PLPPR1: variants seen among roughly 807,000 people sequenced by gnomAD.
The protein encoded by PLPPR1 is phospholipid phosphatase related 1.
A neutral mutation model predicts 33.1 loss-of-function variants in PLPPR1; 10 were observed. The ratio of observed to expected loss-of-function variants is 0.30; its 90% CI spans 0.19 to 0.51. The LOEUF (loss-of-function observed/expected upper bound fraction) is 0.51, where lower values mean the gene tolerates loss of function less well. Ranked by LOEUF, PLPPR1 falls within the 20% of genes least tolerant of loss-of-function variation. The pLI, the probability that PLPPR1 is intolerant of heterozygous loss-of-function variation, is 0.97. For missense variants in PLPPR1, 304 were observed against 408.1 expected (o/e 0.74, Z 2.20); for synonymous variants, 151 against 151.0 (o/e 1.00, Z 0.00).
intron 1 of PLPPR1, among the ~76,000 whole-genome samples, chr9:101,093,273 C>T (rs933989012): frequency 6.6e-6 from 1 of 152,190 alleles, no homozygotes; most frequent in Non-Finnish European, 1.5e-5. Context: ...CAAGTTAATA[C>T]TAATCCATTA....
At chr9:101,182,157 G>T (rs761528478) in intron 1 of PLPPR1, among the ~76,000 whole-genome samples, 2 of 151,468 alleles carry the variant, frequency 1.3e-5, no homozygotes, top group African/African-American at 2.4e-5. Flanking sequence ...GACAAATACC[G>T]TATGATTTCA....
At chr9:101,288,418 G>A (rs1229485733) in intron 4 of PLPPR1, among the ~76,000 whole-genome samples, 1 of 152,156 alleles carries the variant, frequency 6.6e-6, no homozygotes, top group African/African-American at 2.4e-5. Flanking sequence ...ATTCAAATAA[G>A]GTGAGTTAGA....
intron 2 of PLPPR1, among the ~76,000 whole-genome samples, chr9:101,231,828 A>C (rs1164632714): frequency 1.3e-5 from 2 of 152,134 alleles, no homozygotes; most frequent in Admixed American, 6.6e-5. Context: ...TGTATGCAGC[A>C]TCAGAGAGAA....
chr9:101,145,862 T>A (rs384881), intron 1 of PLPPR1, among the ~76,000 whole-genome samples: 5 of 145,376 alleles, frequency 3.4e-5, no homozygotes, highest in East Asian at 2.1e-4. Context: ...AAAAAAAAAA[T>A]GAAAATAGCC....
At chr9:101,221,315 C>G (rs1826932528) in intron 2 of PLPPR1, among the ~76,000 whole-genome samples, 1 of 152,110 alleles carries the variant, frequency 6.6e-6, no homozygotes, top group South Asian at 2.1e-4. Context: ...CTTTGCTTGA[C>G]ATTGCTGGAA....
chr9:101,141,991 G>A (rs1297738265), intron 1 of PLPPR1, among the ~76,000 whole-genome samples: 2 of 152,060 alleles, frequency 1.3e-5, no homozygotes, highest in Non-Finnish European at 2.9e-5. Flanking sequence ...GGGCCCAATT[G>A]GTTCTCCCTG....
intron 2 of PLPPR1, among the ~76,000 whole-genome samples, chr9:101,202,325 T>C (rs1393238710): frequency 6.6e-6 from 1 of 152,198 alleles, no homozygotes; most frequent in Non-Finnish European, 1.5e-5. Flanking sequence ...TGGGAATCCT[T>C]TATTTGTGAA....
At chr9:101,250,027 A>C (rs1342832900) in intron 2 of PLPPR1, among the ~76,000 whole-genome samples, 1 of 152,108 alleles carries the variant, frequency 6.6e-6, no homozygotes, top group Non-Finnish European at 1.5e-5. Flanking sequence ...CTAGTGCTAG[A>C]TTGCCACAAT....
chr9:101,277,250 T>C (rs917438561), intron 3 of PLPPR1, among the ~76,000 whole-genome samples: 6 of 152,182 alleles, frequency 3.9e-5, no homozygotes. Context: ...TAGAGACTAA[T>C]ATTGGGGAGT....
At chr9:101,119,851 C>A (rs2118591699) in intron 1 of PLPPR1, among the ~76,000 whole-genome samples, 1 of 152,300 alleles carries the variant, frequency 6.6e-6, no homozygotes, top group Non-Finnish European at 1.5e-5. Context: ...TCACTTCCCT[C>A]CCCACCCAAA....
rs567827689 is a variant in PLPPR1, at chr9:101,304,675, A to C, written c.386-4536A>C. Among the ~76,000 whole-genome samples, 60 of 152,316 alleles carry C rather than the reference A, an allele frequency of 3.9e-4. No homozygotes were observed. The Middle Eastern group carries it at 0.01, about 26-fold the overall frequency. ...ACCTATGCATGCTCTATTCATCAGCAGAAGTGTGACTTGCTCTTGGCCAAC... is the reference window on the plus strand; with the variant it reads ...ACCTATGCATGCTCTATTCATCAGCCGAAGTGTGACTTGCTCTTGGCCAAC... On this transcript the variant is annotated intron_variant, in intron 4 of 7. Transcript: ENST00000374874.
At chr9:101,070,865 C>T (rs1216374928) in intron 1 of PLPPR1, among the ~76,000 whole-genome samples, 1 of 152,128 alleles carries the variant, frequency 6.6e-6, no homozygotes, top group African/African-American at 2.4e-5. Flanking sequence ...GCACTAACAA[C>T]AGTATCTGAC....
chr9:101,184,199 A>G (rs1488909133), intron 1 of PLPPR1, among the ~76,000 whole-genome samples: 2 of 151,856 alleles, frequency 1.3e-5, no homozygotes, highest in African/African-American at 4.8e-5. Flanking sequence ...GAAAATATCC[A>G]ATTTTAATTG....
chr9:101,247,047 G>C lies in PLPPR1; in HGVS notation c.64-22833G>C, dbSNP rs79645619. Among the ~76,000 whole-genome samples, 328 of 152,026 alleles carry C rather than the reference G, an allele frequency of 2.2e-3. 1 individual carries two copies. Among genetic ancestry groups the C allele is most frequent in the Middle Eastern group, 6.8e-3 (2 of 294 alleles). Reference sequence around the variant, plus strand: ...ATAAGTCACTCTTCCTATTTAGTGAGAGAAACTACAAGGGAAATGGCATGT... The same window carrying C: ...ATAAGTCACTCTTCCTATTTAGTGACAGAAACTACAAGGGAAATGGCATGT... On this transcript the variant is annotated intron_variant, in intron 2 of 7. Coordinates refer to ENST00000374874, the MANE Select transcript of PLPPR1 (RefSeq NM_207299.2).
At chr9:101,299,397 T>C (rs1471789207) in intron 4 of PLPPR1, among the ~76,000 whole-genome samples, 2 of 152,184 alleles carry the variant, frequency 1.3e-5, no homozygotes, top group African/African-American at 4.8e-5. Context: ...ATGACTGGCC[T>C]AGAAGGCGTA....
intron 1 of PLPPR1, among the ~76,000 whole-genome samples, chr9:101,122,264 G>T (rs1042649084): frequency 6.6e-5 from 10 of 152,180 alleles, no homozygotes; most frequent in Non-Finnish European, 1.3e-4. Flanking sequence ...ACATCATAAA[G>T]ATATATACCC....
chr9:101,317,254 A>G (rs1262696706), intron 6 of PLPPR1, 111 bp from the exon 7 acceptor site: 1 of 1,171,348 alleles, frequency 8.5e-7, no homozygotes, highest in Non-Finnish European at 1.2e-6. Context: ...TCTCAAAGGA[A>G]AAAGGTCACT....
chr9:101,099,552 T>G (rs910800891), intron 1 of PLPPR1, among the ~76,000 whole-genome samples: 3 of 152,192 alleles, frequency 2.0e-5, no homozygotes, highest in African/African-American at 7.2e-5. Flanking sequence ...TGGTTACATC[T>G]GTACTGAACA....
chr9:101,287,575 A>C (rs1245566448), intron 4 of PLPPR1, among the ~76,000 whole-genome samples: 2 of 152,194 alleles, frequency 1.3e-5, no homozygotes, highest in Non-Finnish European at 2.9e-5. Context: ...ACCTCGGCTC[A>C]CTGCAACCTC....
Sources: gnomAD v4.1 joint callset for allele counts (sites outside exome capture counted in the v4.1 genomes callset) on GRCh38, gnomAD v4.1.1 for gene constraint, MANE v1.5 for transcripts, NCBI Gene and HGNC (gene_info 2026-07-23, HGNC 2026-07-21) for gene names.